DGKB: variants seen among roughly 807,000 people sequenced by gnomAD.
DGKB encodes the protein diacylglycerol kinase beta.
A neutral mutation model predicts 114.3 loss-of-function variants in DGKB; 67 were observed. That is an observed-to-expected ratio of 0.59 (90% CI 0.48 to 0.72). The LOEUF is 0.72. Among genes scored for constraint, DGKB ranks in the 30% least tolerant of loss-of-function variants. The pLI is 0.00. For missense variants in DGKB, 907 were observed against 975.2 expected, an observed-to-expected ratio of 0.93 and a Z score of 0.93; for synonymous variants, 398 against 323.1, an observed-to-expected ratio of 1.23 and a Z score of -2.49.
intron 23 of DGKB, among the ~76,000 whole-genome samples, chr7:14,250,877 T>C (rs1795135493): frequency 6.6e-6 from 1 of 152,338 alleles, no homozygotes; most frequent in African/African-American, 2.4e-5. Flanking sequence ...ATTATCATAA[T>C]GTAATAACCT....
chr7:14,337,538 G>A (rs181790670), intron 23 of DGKB, among the ~76,000 whole-genome samples: 48 of 152,162 alleles, frequency 3.2e-4, no homozygotes, highest in African/African-American at 1.1e-3. Context: ...GTCACTGCTT[G>A]TTACTGAAAC....
chr7:14,807,848 C>A (rs1018008802), intron 2 of DGKB, among the ~76,000 whole-genome samples: 2 of 151,898 alleles, frequency 1.3e-5, no homozygotes, highest in African/African-American at 4.8e-5. Context: ...CTCAAAATAG[C>A]TTTAACAATT....
intron 20 of DGKB, among the ~76,000 whole-genome samples, chr7:14,494,506 T>G (rs1689048310): frequency 1.3e-5 from 2 of 151,932 alleles, no homozygotes; most frequent in Admixed American, 1.3e-4. Flanking sequence ...AGCCTACCAT[T>G]TTTCATCTTT....
intron 23 of DGKB, among the ~76,000 whole-genome samples, chr7:14,252,171 C>T (rs1222359390): frequency 1.3e-5 from 2 of 152,066 alleles, no homozygotes; most frequent in African/African-American, 2.4e-5. Context: ...CTGTAGGCTT[C>T]TTTCAGGTTT....
chr7:14,536,245 C>A (rs1217027367), intron 20 of DGKB, among the ~76,000 whole-genome samples: 1 of 152,068 alleles, frequency 6.6e-6, no homozygotes, highest in African/African-American at 2.4e-5. Flanking sequence ...AATACCAATC[C>A]TTTTAAAAGT....
At chr7:14,868,192 G>A (rs899237208) in intron 1 of DGKB, among the ~76,000 whole-genome samples, 1 of 152,002 alleles carries the variant, frequency 6.6e-6, no homozygotes, top group African/African-American at 2.4e-5. Flanking sequence ...GAATTTTGTG[G>A]ATGCTTTTGT....
At chr7:14,904,060 A>G (rs1783510043), upstream of DGKB, among the ~76,000 whole-genome samples, 1 of 152,146 alleles carries the variant, frequency 6.6e-6, no homozygotes, top group Non-Finnish European at 1.5e-5. Flanking sequence ...ATATTCTCAT[A>G]AAAAATATGA....
intron 1 of DGKB, among the ~76,000 whole-genome samples, chr7:14,899,724 T>A (rs1481750148): frequency 6.6e-6 from 1 of 152,054 alleles, no homozygotes; most frequent in Non-Finnish European, 1.5e-5. Flanking sequence ...CTGGGGTCAA[T>A]GCAGGTGGAT....
intron 17 of DGKB, among the ~76,000 whole-genome samples, chr7:14,597,203 G>A (rs1802729964): frequency 1.3e-5 from 2 of 151,882 alleles, no homozygotes; most frequent in Admixed American, 6.6e-5. Context: ...GCAAGACTCC[G>A]TCTCAAAAAA....
At chr7:14,154,330 G>T (rs896637748) in intron 25 of DGKB, among the ~76,000 whole-genome samples, 5 of 151,840 alleles carry the variant, frequency 3.3e-5, no homozygotes. Context: ...TAGTCTGAAT[G>T]ATTATATATT....
In DGKB at chr7:14,483,669, G is replaced by C. The variant is rs1016040843; in HGVS notation, c.1771-5444C>G. ...TTTTTGAAAATATGATTAATAATTT[G>C]GTGATGAGAAGATTATCCAGGTGGG... On this transcript the variant is annotated intron_variant, in intron 20 of 25. Transcript: ENST00000402815. 2.0e-5 allele frequency among the ~76,000 whole-genome samples: 3 copies of C among 152,040 alleles called. No individual in the cohort carries two copies. The East Asian group carries it at 5.8e-4, about 29-fold the overall frequency.
intron 20 of DGKB, among the ~76,000 whole-genome samples, chr7:14,484,480 G>T (rs543616745): frequency 6.6e-6 from 1 of 152,084 alleles, no homozygotes; most frequent in Non-Finnish European, 1.5e-5. Context: ...ATGAGATCTG[G>T]CTTCCTAAAG....
At chr7:14,673,615 G>A (rs149815332) in intron 12 of DGKB, among the ~76,000 whole-genome samples, 6 of 152,018 alleles carry the variant, frequency 3.9e-5, no homozygotes, top group African/African-American at 9.6e-5. Flanking sequence ...TCAGCTCAAC[G>A]TTAAGTTAGT....
At chr7:14,169,151 A>T (rs1780436117) in intron 25 of DGKB, among the ~76,000 whole-genome samples, 1 of 151,660 alleles carries the variant, frequency 6.6e-6, no homozygotes, top group South Asian at 2.1e-4. Flanking sequence ...CAAGGTCAGG[A>T]GATCAAGACC....
chr7:14,586,299 A>C lies in DGKB; in HGVS notation c.1434-3162T>G, dbSNP rs577675833. On this transcript the variant is annotated intron_variant, in intron 17 of 25. Transcript: ENST00000402815. ...AGTGGTCTAGACAGAAGATCAAAGG[A>C]GCCACAACATTCCCTTAAGCTAAAG... Among the ~76,000 whole-genome samples, 44 of 152,260 alleles carry C rather than the reference A, an allele frequency of 2.9e-4. 1 individual carries two copies. Among genetic ancestry groups the C allele is most frequent in the Non-Finnish European group, 5.3e-4 (36 of 68,020 alleles).
intron 21 of DGKB, among the ~76,000 whole-genome samples, chr7:14,425,667 A>T (rs1299433148): frequency 6.6e-6 from 1 of 152,178 alleles, no homozygotes; most frequent in Non-Finnish European, 1.5e-5. Flanking sequence ...TTTGAGAATA[A>T]ACATTTCAGT....
At chr7:14,823,728 G>A (rs1422438012) in intron 2 of DGKB, among the ~76,000 whole-genome samples, 1 of 152,072 alleles carries the variant, frequency 6.6e-6, no homozygotes, top group Non-Finnish European at 1.5e-5. Flanking sequence ...TGAGGCTAAA[G>A]GTATTACATT....
chr7:14,385,507 A>G (rs1820186953), intron 21 of DGKB, among the ~76,000 whole-genome samples: 1 of 152,186 alleles, frequency 6.6e-6, no homozygotes, highest in Non-Finnish European at 1.5e-5. Context: ...TGGTCCTCAG[A>G]GTGAAAAATA....
chr7:14,529,047 C>T (rs936861971), intron 20 of DGKB, among the ~76,000 whole-genome samples: 1 of 150,470 alleles, frequency 6.6e-6, no homozygotes, highest in Non-Finnish European at 1.5e-5. Context: ...GAGTCGTTTA[C>T]AAACCCTCAA....
Sources: gnomAD v4.1 joint callset for allele counts (sites outside exome capture counted in the v4.1 genomes callset) on GRCh38, gnomAD v4.1.1 for gene constraint, MANE v1.5 for transcripts, NCBI Gene and HGNC (gene_info 2026-07-23, HGNC 2026-07-21) for gene names.